Variants in RBP4 observed in about 807,000 individuals in gnomAD.
The protein encoded by RBP4 is retinol binding protein 4.
A neutral mutation model predicts 26.2 loss-of-function variants in RBP4; 9 were observed. The observed-to-expected ratio is 0.34, with a 90% CI of 0.21 to 0.60. RBP4 has a LOEUF of 0.60. Ranked by LOEUF, RBP4 falls within the 20% of genes least tolerant of loss-of-function variation. The pLI, the probability that RBP4 is intolerant of heterozygous loss-of-function variation, is 0.80. For synonymous variants in RBP4, 114 were observed against 111.0 expected (o/e 1.03, Z -0.17); for missense variants, 244 against 271.3 (o/e 0.90, Z 0.71).
At chr10:93,592,903 C>T (rs1167453205) in intron 5 of RBP4, among the ~76,000 whole-genome samples, 20 of 152,098 alleles carry the variant, frequency 1.3e-4, no homozygotes, top group Admixed American at 1.2e-3. Context: ...CTGCAGCCTC[C>T]GCCTCCCGGG....
chr10:93,594,018 C>T lies in RBP4; in HGVS notation c.373G>A (p.Val125Ile), dbSNP rs370579379. 7 of 1,613,494 alleles carry T rather than the reference C, an allele frequency of 4.3e-6. No individual in the cohort carries two copies. The highest frequency in any genetic ancestry group is 3.3e-5 in the Admixed American group (2 of 60,004). ...GCATACGTGTCGTAGTCTGTGTCGA[C>T]GATCCAGTGGTCATCATCTGCAAGC... ...LQKGNDDHWI[V>I]DTDYDTYAVQ... The change falls in exon 5 of 6, where the codon GTC becomes ATC. Residue 125 changes from valine to isoleucine, a missense_variant. Val to Ile is a conservative substitution (Grantham distance 29). Coordinates refer to ENST00000371464, the MANE Select transcript of RBP4 (RefSeq NM_006744.4).
At position 93,594,043 on chromosome 10, in the gene RBP4, C is replaced by A. The variant is rs199767234; in HGVS notation, c.356-8G>T. The A allele has an allele frequency of 8.1e-6, 13 of 1,612,890 alleles. No homozygotes were observed. Among genetic ancestry groups the A allele is most frequent in the Middle Eastern group, 3.3e-4 (2 of 6,060 alleles). On this transcript the variant is annotated splice_region_variant and splice_polypyrimidine_tract_variant and intron_variant, in intron 4 of 5. Transcript: ENST00000371464. ...CGATCCAGTGGTCATCATCTGCAAG[C>A]CAGAAAGCCACCATGCCGATCAATG...
intron 5 of RBP4, among the ~76,000 whole-genome samples, chr10:93,592,332 G>A (rs1589683196): frequency 6.6e-6 from 1 of 152,222 alleles, no homozygotes; most frequent in African/African-American, 2.4e-5. Flanking sequence ...GACGTAATGG[G>A]GGTGGAGAGA....
intron 4 of RBP4, among the ~76,000 whole-genome samples, chr10:93,596,201 C>CTT (rs3215968): frequency 1.0e-4 from 14 of 134,678 alleles, no homozygotes; most frequent in African/African-American, 1.1e-4. Context: ...GGCAGCTTAA[C>CTT]TTTTTTTTTT....
At chr10:93,596,593 A>T (rs766312976) in intron 4 of RBP4, among the ~76,000 whole-genome samples, 14 of 152,208 alleles carry the variant, frequency 9.2e-5, no homozygotes, top group Non-Finnish European at 1.8e-4. Context: ...CGTTGGAGGC[A>T]GTGGCTGTGT....
At chr10:93,596,617 T>C (rs2058304618) in intron 4 of RBP4, among the ~76,000 whole-genome samples, 3 of 152,200 alleles carry the variant, frequency 2.0e-5, no homozygotes, top group African/African-American at 7.2e-5. Context: ...TGGGAGCCCC[T>C]GCCTCCCCTC....
rs1291625732 is a variant in RBP4 at position 93,593,835 on chromosome 10, T to G, written c.556A>C (p.Ile186Leu). The G allele has an allele frequency of 6.2e-7, 1 of 1,611,810 alleles. No homozygotes were observed. Among genetic ancestry groups the G allele is most frequent in the East Asian group, 2.2e-5 (1 of 44,868 alleles). The change falls in exon 5 of 6, where the codon ATC (isoleucine) becomes CTC (leucine). Residue 186 changes from isoleucine to leucine, a missense_variant. Transcript: ENST00000371464. ...ELCLARQYRL[I>L]VHNGYCDGRS... ...GCTCCTGACTCACCGTTGTGGACGA[T>G]CAGCCTGTACTGCCTGGCCAGGCAC...
At chr10:93,599,407 CAG>C (rs1417857351) in intron 4 of RBP4, among the ~76,000 whole-genome samples, 1 of 152,160 alleles carries the variant, frequency 6.6e-6, no homozygotes, top group Non-Finnish European at 1.5e-5. Flanking sequence ...GATCACCGAG[CAG>C]AGAGAGTCTC....
Position 93,593,847 on chromosome 10 carries a change from G to T in RBP4, c.544C>A (p.Gln182Lys), listed in dbSNP as rs116887052. Residue 182 changes from glutamine (Q) to lysine (K), a missense_variant, in exon 5 of 6, where the codon CAG becomes AAG. By Grantham distance (53) the Gln-to-Lys change is moderately conservative. Transcript: ENST00000371464. ...CCGTTGTGGACGATCAGCCTGTACT[G>T]CCTGGCCAGGCACAGCTCCTCCTGC... ...QRQEELCLAR[Q>K]YRLIVHNGYC... 1.1e-3 allele frequency: 1,783 copies of T among 1,612,186 alleles called. 1 individual carries two copies. Among genetic ancestry groups the T allele is most frequent in the Non-Finnish European group, 1.4e-3 (1,668 of 1,179,900 alleles).
Position 93,601,043 on chromosome 10 carries a change from C to T in RBP4, c.-15G>A, listed in dbSNP as rs376084501. On this transcript the variant is annotated 5_prime_UTR_variant, in exon 2 of 6. Transcript: ENST00000371464. ...ACCCACTTCATCTTGCCCAGGAATC[C>T]GCCCTGCGGGAGACGCGCCTCCGTC... 4 of 1,607,688 alleles carry T rather than the reference C, an allele frequency of 2.5e-6. No homozygotes were observed. The highest frequency in any genetic ancestry group is 1.3e-5 in the African/African-American group (1 of 74,910).
intron 4 of RBP4, among the ~76,000 whole-genome samples, chr10:93,595,249 C>A (rs1240957162): frequency 1.3e-5 from 2 of 152,108 alleles, no homozygotes; most frequent in African/African-American, 4.8e-5. Flanking sequence ...TTAATTTAAC[C>A]TTCTTGTTGA....
intron 1 of RBP4, 28 bp downstream of exon 1, chr10:93,601,143 C>G: frequency 1.3e-6 from 2 of 1,487,394 alleles, no homozygotes; most frequent in Non-Finnish European, 1.8e-6. Flanking sequence ...ATCCCGCCGC[C>G]GGCCCCGAGG....
Position 93,592,009 on chromosome 10 carries a change from G to T in RBP4, c.*66C>A. 7.3e-7 allele frequency: 1 copy of T among 1,375,844 alleles called. No homozygotes were observed. The highest frequency in any genetic ancestry group is 1.0e-6 in the Non-Finnish European group (1 of 963,482). The allele number at this position is 1,375,844 out of a possible 1,614,324, so 85.2% of individuals were successfully genotyped here. ...AGAGAAGGGCAAATTAAACTCCTAA[G>T]ATAAATAGAGCTGAAGACTGAGAGC... On this transcript the variant is annotated 3_prime_UTR_variant, in exon 6 of 6. Transcript: ENST00000371464.
At position 93,601,035 on chromosome 10, in the gene RBP4, C is replaced by T. The variant is rs373932035; in HGVS notation, c.-7G>A. ...GCGCCCACACCCACTTCATCTTGCC[C>T]AGGAATCCGCCCTGCGGGAGACGCG... On this transcript the variant is annotated 5_prime_UTR_variant, in exon 2 of 6. Transcript: ENST00000371464. The T allele has an allele frequency of 7.4e-5, 119 of 1,609,368 alleles. No homozygotes were observed. The African/African-American group carries it at 1.5e-3, about 20-fold the overall frequency.
chr10:93,599,897 TG>T (rs1188150407), intron 4 of RBP4, among the ~76,000 whole-genome samples: 2 of 152,218 alleles, frequency 1.3e-5, no homozygotes, highest in Non-Finnish European at 2.9e-5. Flanking sequence ...ACACTGTGCC[TG>T]GCTCAGAATC....
upstream of RBP4, chr10:93,601,385 C>T (rs575162786): frequency 1.6e-6 from 2 of 1,266,524 alleles, no homozygotes; most frequent in South Asian, 6.2e-5. Flanking sequence ...CGGGCAGGGT[C>T]CCTGTGGGCC....
chr10:93,598,401 C>T lies in RBP4; in HGVS notation c.355+1992G>A, dbSNP rs116708099. 6.2e-3 allele frequency among the ~76,000 whole-genome samples: 941 copies of T among 152,280 alleles called. 11 individuals carry two copies. Among genetic ancestry groups the T allele is most frequent in the African/African-American group, 0.021 (884 of 41,548 alleles). ...GAAGTGAAGGAACATATCTAAAGTT[C>T]CACAAGTAGTGGTGGAGTTGGGATT... is the stretch of plus-strand genomic sequence containing the variant. On this transcript the variant is annotated intron_variant, in intron 4 of 5. Coordinates refer to ENST00000371464, the MANE Select transcript of RBP4 (RefSeq NM_006744.4).
chr10:93,594,564 TC>T (rs1336516603), intron 4 of RBP4, among the ~76,000 whole-genome samples: 1 of 152,232 alleles, frequency 6.6e-6, no homozygotes, highest in Non-Finnish European at 1.5e-5. Flanking sequence ...ACGCCCATGG[TC>T]ACGGCTTCTC....
At chr10:93,599,222 C>G (rs1051751539) in intron 4 of RBP4, among the ~76,000 whole-genome samples, 2 of 151,424 alleles carry the variant, frequency 1.3e-5, no homozygotes, top group African/African-American at 4.9e-5. Flanking sequence ...GCACTCCAGC[C>G]TGGGTGACAG....
Sources: gnomAD v4.1 joint callset for allele counts (sites outside exome capture counted in the v4.1 genomes callset) on GRCh38, gnomAD v4.1.1 for gene constraint, MANE v1.5 for transcripts, NCBI Gene and HGNC (gene_info 2026-07-23, HGNC 2026-07-21) for gene names.